Variants in ACVR2A observed in about 807,000 individuals in gnomAD.
ACVR2A encodes the protein activin receptor type-2A.
Under a neutral mutation model 61.4 loss-of-function variants are expected in ACVR2A, and 7 were observed. The ratio of observed to expected loss-of-function variants is 0.11; its 90% CI spans 0.06 to 0.21. The LOEUF is 0.21. Among genes scored for constraint, ACVR2A ranks in the 10% least tolerant of loss-of-function variants. The pLI, the probability that ACVR2A is intolerant of heterozygous loss-of-function variation, is 1.00. For synonymous variants in ACVR2A, 193 were observed against 208.3 expected (o/e 0.93, Z 0.63); for missense variants, 322 against 621.7 (o/e 0.52, Z 5.13).
At chr2:147,914,880 G>C (rs1271422328) in intron 4 of ACVR2A, among the ~76,000 whole-genome samples, 1 of 151,866 alleles carries the variant, frequency 6.6e-6, no homozygotes, top group South Asian at 2.1e-4. Flanking sequence ...GGAGTATTTC[G>C]TAGTTCACAG....
chr2:147,875,923 C>T (rs1211222779), intron 1 of ACVR2A, among the ~76,000 whole-genome samples: 1 of 152,030 alleles, frequency 6.6e-6, no homozygotes, highest in Non-Finnish European at 1.5e-5. Flanking sequence ...TCAGCCTTCC[C>T]TTTTAGGTTA....
At chr2:147,923,706 T>C (rs1687438966) in intron 9 of ACVR2A, among the ~76,000 whole-genome samples, 1 of 152,108 alleles carries the variant, frequency 6.6e-6, no homozygotes, top group Admixed American at 6.6e-5. Context: ...ATAAGGTCTT[T>C]ACTCTGTCTT....
At chr2:147,885,280 GCT>G (rs1686402981) in intron 1 of ACVR2A, among the ~76,000 whole-genome samples, 1 of 152,154 alleles carries the variant, frequency 6.6e-6, no homozygotes, top group African/African-American at 2.4e-5. Context: ...CATATTTTGA[GCT>G]CTCTCTCAAT....
rs534504248 is a variant in ACVR2A at position 147,845,307 on chromosome 2, C to A, written c.55+100C>A. 76 of 929,516 alleles carry A rather than the reference C, an allele frequency of 8.2e-5. 1 individual carries two copies. The East Asian group carries it at 3.2e-3, about 39-fold the overall frequency. The allele number at this position is 929,516 out of a possible 1,614,324, so 57.6% of individuals were successfully genotyped here. Reference sequence around the variant, plus strand: ...GTTGAGTCGGAGAGTCCAGTGGAGCCTGGGGAGGTTGCCCACTCCCTGCGC... The same window carrying A: ...GTTGAGTCGGAGAGTCCAGTGGAGCATGGGGAGGTTGCCCACTCCCTGCGC... On this transcript the variant is annotated intron_variant, in intron 1 of 10. Transcript: ENST00000241416.
intron 4 of ACVR2A, among the ~76,000 whole-genome samples, chr2:147,906,773 T>C (rs1056430335): frequency 6.6e-5 from 10 of 152,024 alleles, no homozygotes; most frequent in African/African-American, 2.4e-4. Flanking sequence ...TATTAACTCA[T>C]TTAATTTGTT....
At position 147,930,150 on chromosome 2, in the gene ACVR2A, G is replaced by A. The variant is rs1005739379; in HGVS notation, c.*2876G>A. The stretch of plus-strand genomic sequence containing the variant: ...ACTTGCACTATCTATCTTTCATGGT[G>A]ATGTTTTGAAAATACAATCAGGAAA... On this transcript the variant is annotated 3_prime_UTR_variant, in exon 11 of 11. Coordinates refer to ENST00000241416, the MANE Select transcript of ACVR2A (RefSeq NM_001616.5). The A allele has an allele frequency of 2.6e-5, 4 of 152,352 alleles. No homozygotes were observed. The highest frequency in any genetic ancestry group is 6.6e-5 in the Admixed American group (1 of 15,208). 9.4% of individuals were successfully genotyped at this position (152,352 alleles called of 1,614,324 possible).
intron 1 of ACVR2A, among the ~76,000 whole-genome samples, chr2:147,863,703 AGAAGAAAGTCTGCATACAGGTG>A (rs1685784879): frequency 6.6e-6 from 1 of 152,224 alleles, no homozygotes; most frequent in Non-Finnish European, 1.5e-5. Flanking sequence ...TGGCAGAGGT[AGAAGAAAGTCTGCATACAGGTG>A]GATTCACACA....
chr2:147,856,721 G>A (rs1421760507), intron 1 of ACVR2A, among the ~76,000 whole-genome samples: 1 of 152,132 alleles, frequency 6.6e-6, no homozygotes, highest in Non-Finnish European at 1.5e-5. Flanking sequence ...TATGGTAATA[G>A]TAAAGCAATT....
chr2:147,848,464 T>G (rs1029791725), intron 1 of ACVR2A, among the ~76,000 whole-genome samples: 2 of 152,114 alleles, frequency 1.3e-5, no homozygotes, highest in African/African-American at 2.4e-5. Flanking sequence ...AGGGCAGGGA[T>G]GCTTCTAATC....
chr2:147,845,585 G>A (rs1006430007), intron 1 of ACVR2A, among the ~76,000 whole-genome samples: 5 of 152,100 alleles, frequency 3.3e-5, no homozygotes, highest in African/African-American at 9.7e-5. Context: ...ATTTAGTGTG[G>A]GCTCCTCCAA....
intron 1 of ACVR2A, among the ~76,000 whole-genome samples, chr2:147,871,622 T>C (rs1232194407): frequency 6.6e-6 from 1 of 152,122 alleles, no homozygotes; most frequent in Non-Finnish European, 1.5e-5. Flanking sequence ...CAAGCAAAAG[T>C]GTAGAATAGC....
At chr2:147,925,570 G>A (rs997757719) in intron 9 of ACVR2A, 4 of 152,368 alleles carry the variant, frequency 2.6e-5, no homozygotes, top group African/African-American at 9.7e-5. Context: ...AATTCCTCAT[G>A]TGGGGCATGC....
intron 4 of ACVR2A, among the ~76,000 whole-genome samples, chr2:147,912,804 G>T (rs1687150562): frequency 6.6e-6 from 1 of 151,800 alleles, no homozygotes; most frequent in Non-Finnish European, 1.5e-5. Context: ...TTTTTGAAAA[G>T]CTCATGTCAT....
At chr2:147,919,620 A>G (rs1030128029) in intron 7 of ACVR2A, among the ~76,000 whole-genome samples, 1 of 152,168 alleles carries the variant, frequency 6.6e-6, no homozygotes, top group African/African-American at 2.4e-5. Context: ...GCCAGTTGAG[A>G]CAGGTGTGTA....
chr2:147,871,085 A>G (rs892312248), intron 1 of ACVR2A, among the ~76,000 whole-genome samples: 6 of 152,072 alleles, frequency 3.9e-5, no homozygotes, highest in Admixed American at 3.3e-4. Flanking sequence ...GTGTGTTTCC[A>G]TAATGTTTTG....
intron 1 of ACVR2A, among the ~76,000 whole-genome samples, chr2:147,846,436 A>T (rs1308139946): frequency 6.6e-6 from 1 of 151,478 alleles, no homozygotes; most frequent in Admixed American, 6.6e-5. Flanking sequence ...CCCCCCTTTA[A>T]ATATAATCTT....
chr2:147,884,844 C>T (rs193124639), intron 1 of ACVR2A, among the ~76,000 whole-genome samples: 1 of 152,176 alleles, frequency 6.6e-6, no homozygotes, highest in East Asian at 1.9e-4. Context: ...ACAGTTTACT[C>T]ATTGTTTTCT....
At chr2:147,862,547 C>T (rs756375689) in intron 1 of ACVR2A, among the ~76,000 whole-genome samples, 3 of 152,036 alleles carry the variant, frequency 2.0e-5, no homozygotes, top group African/African-American at 4.8e-5. Flanking sequence ...AGTTTGAGAC[C>T]AGCCTGGCCA....
At position 147,917,315 on chromosome 2, in the gene ACVR2A, C is replaced by G; in HGVS notation, c.705C>G (p.Val235=). Residue 235 remains valine, a synonymous_variant, in exon 6 of 11, where the codon GTC becomes GTG. Transcript: ENST00000241416. ...AGTCATGGCAAAATGAATACGAAGT[C>G]TACAGTTTGCCTGGAATGAAGCATG... is the stretch of plus-strand genomic sequence containing the variant. ...DKQSWQNEYE[V]YSLPGMKHEN... is the part of the protein sequence containing the mutation. 1 of 1,612,080 alleles carries G rather than the reference C, an allele frequency of 6.2e-7. No homozygotes were observed. Among genetic ancestry groups the G allele is most frequent in the South Asian group, 1.1e-5 (1 of 90,958 alleles).
Sources: allele counts gnomAD v4.1 joint callset (sites outside exome capture counted in the v4.1 genomes callset), GRCh38; gene constraint gnomAD v4.1.1; transcripts MANE v1.5; gene names NCBI Gene and HGNC (gene_info 2026-07-23, HGNC 2026-07-21).